TGM5: variants seen among roughly 807,000 people sequenced by gnomAD.
The protein encoded by TGM5 is transglutaminase 5, also known as protein-glutamine gamma-glutamyltransferase 5.
In TGM5, 69 loss-of-function variants were observed where a neutral mutation model predicts 77.2. That is an observed-to-expected ratio of 0.89 (90% CI 0.74 to 1.09). The LOEUF (loss-of-function observed/expected upper bound fraction) is 1.09. Among genes scored for constraint, TGM5 ranks in the 50% least tolerant of loss-of-function variants. The pLI is 0.00. For missense variants in TGM5, 842 were observed against 896.5 expected, an observed-to-expected ratio of 0.94 and a Z score of 0.78; for synonymous variants, 346 against 351.8, an observed-to-expected ratio of 0.98 and a Z score of 0.18.
chr15:43,245,831 C>G (rs1017854305), intron 6 of TGM5, among the ~76,000 whole-genome samples: 1 of 149,212 alleles, frequency 6.7e-6, no homozygotes, highest in Non-Finnish European at 1.5e-5. Context: ...TGGGCAGTTG[C>G]CATGGAGCTG....
At chr15:43,261,090 T>TGTTTTTTGTTTTTTG (rs1566837515) in intron 1 of TGM5, among the ~76,000 whole-genome samples, 8 of 97,100 alleles carry the variant, frequency 8.2e-5, no homozygotes, top group African/African-American at 4.1e-4. Context: ...TTTTTTTTTT[T>TGTTTTTTGTTTTTTG]TTTTTTTTTT....
At chr15:43,252,342 G>T (rs1273773693) in intron 6 of TGM5, among the ~76,000 whole-genome samples, 4 of 152,100 alleles carry the variant, frequency 2.6e-5, no homozygotes, top group Non-Finnish European at 5.9e-5. Flanking sequence ...TTGAGATGGA[G>T]TCTCACTCTT....
intron 6 of TGM5, among the ~76,000 whole-genome samples, chr15:43,242,764 C>G (rs1340913771): frequency 1.3e-5 from 2 of 152,134 alleles, no homozygotes; most frequent in African/African-American, 2.4e-5. Flanking sequence ...GTGGGTAGAG[C>G]TGACAAGTGG....
intron 7 of TGM5, among the ~76,000 whole-genome samples, chr15:43,240,635 TA>T (rs1381358323): frequency 7.2e-6 from 1 of 138,594 alleles, no homozygotes; most frequent in African/African-American, 2.7e-5. Flanking sequence ...ATGAGACTTC[TA>T]AACCCCAAAT....
intron 6 of TGM5, among the ~76,000 whole-genome samples, chr15:43,241,491 GCAT>G (rs1466768981): frequency 6.6e-6 from 1 of 152,150 alleles, no homozygotes; most frequent in East Asian, 1.9e-4. Flanking sequence ...CTCTAGAAAA[GCAT>G]CATAGATTAA....
intron 12 of TGM5, 40 bp from the exon 13 acceptor site, chr15:43,233,384 T>G (rs745569598): frequency 9.9e-6 from 16 of 1,612,070 alleles, no homozygotes; most frequent in Non-Finnish European, 1.3e-5. Flanking sequence ...ACCAAAAGCA[T>G]GATAATGACC....
chr15:43,235,673 C>T lies in TGM5; in HGVS notation c.1510G>A (p.Val504Met), dbSNP rs7171797. 12,331 of 1,614,126 alleles carry T rather than the reference C, an allele frequency of 7.6e-3. 635 individuals carry two copies. The African/African-American group carries it at 0.12, about 16-fold the overall frequency. Residue 504 changes from valine (V) to methionine (M), a missense_variant, in exon 10 of 13, where the codon GTG becomes ATG. By Grantham distance (21) the Val-to-Met change is conservative. Around this residue, in one of 2 missense-constraint regions of TGM5, gnomAD observed 815 missense variants for 844.6 expected, o/e 0.96. Coordinates refer to ENST00000220420, the MANE Select transcript of TGM5 (RefSeq NM_201631.4). The stretch of plus-strand genomic sequence containing the variant: ...TTGAATTTCAGGGAGACTTGCACCA[C>T]ATCACTGGGTCGAAGGGAAGGTGTA... ...LHTPSLRPSD[V>M]VQVSLKFKLL...
In TGM5 at chr15:43,240,835, G is replaced by A; in HGVS notation, c.1001+17C>T. The A allele has an allele frequency of 1.9e-6, 3 of 1,614,022 alleles. No individual in the cohort carries two copies. The highest frequency in any genetic ancestry group is 1.7e-6 in the Non-Finnish European group (2 of 1,179,980). ...TGATGTGTGGCCCTAGAAATAGGTT[G>A]AGAGGTTGTTTCTCACCAGATAGTA... is the stretch of plus-strand genomic sequence containing the variant. On this transcript the variant is annotated intron_variant, in intron 7 of 12. Transcript: ENST00000220420.
At chr15:43,265,683 A>C (rs952888644) in intron 1 of TGM5, among the ~76,000 whole-genome samples, 6 of 152,264 alleles carry the variant, frequency 3.9e-5, no homozygotes, top group Non-Finnish European at 7.3e-5. Context: ...TTTTAAAGTA[A>C]GTGATCTTAG....
intron 3 of TGM5, among the ~76,000 whole-genome samples, 171 bp from the exon 4 acceptor site, chr15:43,256,857 C>CAGGCTCAACATGAACATAAGGT (rs2042745851): frequency 6.6e-6 from 1 of 152,028 alleles, no homozygotes; most frequent in Non-Finnish European, 1.5e-5. Context: ...ACACCAGCAA[C>CAGGCTCAACATGAACATAAGGT]AGGCTCAACA....
intron 6 of TGM5, among the ~76,000 whole-genome samples, chr15:43,247,240 T>A (rs1288591674): frequency 1.3e-5 from 2 of 148,830 alleles, no homozygotes; most frequent in East Asian, 3.9e-4. Context: ...CCACACAAAG[T>A]CCTTTAAAGG....
intron 6 of TGM5, among the ~76,000 whole-genome samples, chr15:43,245,237 C>T (rs1331397124): frequency 2.6e-5 from 4 of 152,116 alleles, no homozygotes; most frequent in African/African-American, 9.7e-5. Flanking sequence ...TACTGCCACA[C>T]TCCCATAGCT....
chr15:43,238,762 A>G, intron 9 of TGM5, 55 bp downstream of exon 9: 1 of 1,603,948 alleles, frequency 6.2e-7, no homozygotes, highest in Non-Finnish European at 8.5e-7. Flanking sequence ...TCCCTGGGGT[A>G]GGGGAAGGTT....
At chr15:43,249,266 T>G (rs1325482962) in intron 6 of TGM5, among the ~76,000 whole-genome samples, 1 of 152,188 alleles carries the variant, frequency 6.6e-6, no homozygotes, top group Non-Finnish European at 1.5e-5. Context: ...TCAAATAATT[T>G]TCTTGAGATA....
At position 43,239,205 on chromosome 15, in the gene TGM5, C is replaced by A. The variant is rs764358619; in HGVS notation, c.1063G>T (p.Gly355Cys). The change falls in exon 8 of 13, where the codon GGC becomes TGC. Residue 355 changes from glycine (G) to cysteine (C), a missense_variant. Gly to Cys is a radical substitution (Grantham distance 159). Coordinates refer to ENST00000220420, the MANE Select transcript of TGM5 (RefSeq NM_201631.4). ...GGTGTGGCGTCCAGCACCTGCCAGCCTCCATATGCAGGGGGCAGATCCTTC... is the reference window on the plus strand; with the variant it reads ...GGTGTGGCGTCCAGCACCTGCCAGCATCCATATGCAGGGGGCAGATCCTTC... The part of the protein sequence containing the change: ...ARKDLPPAYG[G>C]WQVLDATPQE... 2 of 1,614,178 alleles carry A rather than the reference C, an allele frequency of 1.2e-6. No homozygotes were observed. The highest frequency in any genetic ancestry group is 2.2e-5 in the South Asian group (2 of 91,080).
At chr15:43,252,217 G>A (rs982289087) in intron 6 of TGM5, among the ~76,000 whole-genome samples, 2 of 152,264 alleles carry the variant, frequency 1.3e-5, no homozygotes, top group East Asian at 1.9e-4. Context: ...GACGAAGCAA[G>A]GGTGTCAGGC....
At position 43,233,359 on chromosome 15, in the gene TGM5, G is replaced by T. The variant is rs368293520; in HGVS notation, c.2010-15C>A. 1.6e-5 allele frequency: 26 copies of T among 1,613,022 alleles called. No homozygotes were observed. The African/African-American group carries it at 3.3e-4, about 21-fold the overall frequency. On this transcript the variant is annotated splice_polypyrimidine_tract_variant and intron_variant, in intron 12 of 12. Transcript: ENST00000220420. ...GGACTCCAAGGCTGCAACAGAGAATGGAGCATGTCAGAAAACCAAAAGCAT... is the reference window on the plus strand; with the variant it reads ...GGACTCCAAGGCTGCAACAGAGAATTGAGCATGTCAGAAAACCAAAAGCAT...
chr15:43,262,945 T>C (rs1412432808), intron 1 of TGM5, among the ~76,000 whole-genome samples: 1 of 152,198 alleles, frequency 6.6e-6, no homozygotes, highest in Non-Finnish European at 1.5e-5. Context: ...ATTGTTTCTA[T>C]TTACATGTGA....
intron 3 of TGM5, 87 bp from the exon 4 acceptor site, chr15:43,256,773 G>T: frequency 9.6e-7 from 1 of 1,038,058 alleles, no homozygotes; most frequent in Non-Finnish European, 1.5e-6. Context: ...CAGAGGAAAC[G>T]GTTCTGGAGC....
Sources: allele counts gnomAD v4.1 joint callset (sites outside exome capture counted in the v4.1 genomes callset), GRCh38; gene constraint gnomAD v4.1.1; regional missense constraint gnomAD v4.1.1; transcripts MANE v1.5; gene names NCBI Gene and HGNC (gene_info 2026-07-23, HGNC 2026-07-21).